The following RGPD5 variants were observed in gnomAD, a reference collection of about 807,000 sequenced individuals.
RGPD5 encodes RANBP2 like and GRIP domain containing 5.
At chr2:109,767,160 C>T in the RGPD5 span, among the ~76,000 whole-genome samples, 1 of 140,240 alleles carries the variant, frequency 7.1e-6, no homozygotes, top group Non-Finnish European at 1.5e-5. Flanking sequence ...CCAAATGTAG[C>T]TCTTCTATAC....
the RGPD5 span, among the ~76,000 whole-genome samples, chr2:109,760,643 T>C: frequency 0.5 from 68,500 of 136,678 alleles, 18,967 homozygotes; most frequent in Non-Finnish European, 0.63. Context: ...GCGGCGCCTT[T>C]CGTCGCAGCG....
the RGPD5 span, among the ~76,000 whole-genome samples, chr2:109,761,399 C>G: frequency 2.7e-5 from 4 of 150,764 alleles, no homozygotes; most frequent in African/African-American, 9.7e-5. Context: ...CCTCTGGGCC[C>G]TTTCTTCACA....
the RGPD5 span, among the ~76,000 whole-genome samples, chr2:109,773,159 A>G: frequency 2.6e-5 from 4 of 152,036 alleles, no homozygotes; most frequent in Non-Finnish European, 4.4e-5. Context: ...ATTGGACAAG[A>G]TTGTCTAGGA....
chr2:109,765,768 G>A, the RGPD5 span, among the ~76,000 whole-genome samples: 5 of 151,060 alleles, frequency 3.3e-5, no homozygotes, highest in Admixed American at 6.6e-5. Flanking sequence ...TCTCCCTAAG[G>A]ATGCTGCCCA....
At chr2:109,763,509 C>T in the RGPD5 span, among the ~76,000 whole-genome samples, 7 of 149,982 alleles carry the variant, frequency 4.7e-5, no homozygotes, top group Non-Finnish European at 5.9e-5. Flanking sequence ...AGGACAGCTC[C>T]GAAATTAATT....
chr2:109,778,254 G>A, the RGPD5 span, among the ~76,000 whole-genome samples: 1 of 134,042 alleles, frequency 7.5e-6, no homozygotes, highest in African/African-American at 2.9e-5. Flanking sequence ...TCCACTGTGG[G>A]GTAGGTTTTT....
the RGPD5 span, among the ~76,000 whole-genome samples, chr2:109,764,154 A>T: frequency 6.7e-6 from 1 of 150,176 alleles, no homozygotes; most frequent in Non-Finnish European, 1.5e-5. Context: ...CTCTAATTCC[A>T]CTTCCAGTTT....
At chr2:109,794,584 G>GGGGGGGGCGGCGGC in intron 1 of RGPD5, 47 bp downstream of exon 1, 1 of 854,702 alleles carries the variant, frequency 1.2e-6, no homozygotes. Flanking sequence ...CCCGGCCGGG[G>GGGGGGGGCGGCGGC]GGCGGCGGCG....
At chr2:109,774,513 T>TATATAA in the RGPD5 span, among the ~76,000 whole-genome samples, 556 of 67,104 alleles carry the variant, frequency 8.3e-3, 77 homozygotes, top group Admixed American at 0.012. Flanking sequence ...TATATATATA[T>TATATAA]AATATATATT....
chr2:109,761,839 T>G, the RGPD5 span, among the ~76,000 whole-genome samples: 1 of 150,968 alleles, frequency 6.6e-6, no homozygotes, highest in Non-Finnish European at 1.5e-5. Context: ...TGAGCTTGTT[T>G]TTTTTTTCCT....
At chr2:109,763,113 GGTAA>G in the RGPD5 span, among the ~76,000 whole-genome samples, 1 of 149,938 alleles carries the variant, frequency 6.7e-6, no homozygotes, top group Non-Finnish European at 1.5e-5. Context: ...TCCTGGAAAG[GGTAA>G]GTAAGTGGTA....
the RGPD5 span, among the ~76,000 whole-genome samples, chr2:109,763,482 A>G: frequency 2.0e-5 from 3 of 150,308 alleles, 1 homozygote; most frequent in Non-Finnish European, 4.4e-5. Context: ...AGTACTTCAC[A>G]TATCTCTCAG....
the RGPD5 span, among the ~76,000 whole-genome samples, chr2:109,763,555 C>T: frequency 6.7e-6 from 1 of 149,612 alleles, no homozygotes; most frequent in African/African-American, 2.5e-5. Flanking sequence ...AAGTTAAGGT[C>T]CTACTAAAAT....
the RGPD5 span, among the ~76,000 whole-genome samples, chr2:109,760,635 G>C: frequency 6.9e-6 from 1 of 143,888 alleles, no homozygotes; most frequent in Non-Finnish European, 1.5e-5. Context: ...CACCTTGAGC[G>C]GCGCCTTTCG....
the RGPD5 span, among the ~76,000 whole-genome samples, chr2:109,769,188 CCTA>C: frequency 1.3e-5 from 1 of 75,230 alleles, no homozygotes; most frequent in Non-Finnish European, 2.6e-5. Flanking sequence ...TTCCTAGTGT[CCTA>C]CGAGAAATCA....
At chr2:109,774,550 A>AATATATATT in the RGPD5 span, among the ~76,000 whole-genome samples, 1 of 98,978 alleles carries the variant, frequency 1.0e-5, no homozygotes, top group Non-Finnish European at 1.8e-5. Flanking sequence ...AAATATATAT[A>AATATATATT]ATATATATAT....
chr2:109,766,638 A>G, the RGPD5 span, among the ~76,000 whole-genome samples: 3 of 149,870 alleles, frequency 2.0e-5, no homozygotes, highest in Admixed American at 6.8e-5. Flanking sequence ...GTTAACCACA[A>G]TGGGTCTAAT....
chr2:109,764,644 G>A, the RGPD5 span, among the ~76,000 whole-genome samples: 12 of 148,220 alleles, frequency 8.1e-5, no homozygotes, highest in Admixed American at 2.8e-4. Flanking sequence ...GGACTTGGGT[G>A]GAGGATGGAA....
At chr2:109,766,752 TA>T in the RGPD5 span, among the ~76,000 whole-genome samples, 11 of 149,416 alleles carry the variant, frequency 7.4e-5, no homozygotes, top group African/African-American at 2.7e-4. Flanking sequence ...ATTTTGTGTG[TA>T]AGTGGAATTT....
Sources: gnomAD v4.1 joint callset for allele counts (sites outside exome capture counted in the v4.1 genomes callset) on GRCh38, gnomAD v4.1.1 for gene constraint, MANE v1.5 for transcripts, NCBI Gene and HGNC (gene_info 2026-07-23, HGNC 2026-07-21) for gene names.